The following CLK4 variants were observed in gnomAD, a reference collection of about 807,000 sequenced individuals.
The protein encoded by CLK4 is dual specificity protein kinase CLK4.
Under a neutral mutation model 64.4 loss-of-function variants are expected in CLK4, and 37 were observed. That is an observed-to-expected ratio of 0.57 (90% confidence interval 0.44 to 0.76). The LOEUF is 0.76. CLK4 is among the 30% of genes least tolerant of loss of function. The probability of loss-of-function intolerance (pLI) is 0.00; values close to 1 mark genes in which losing one functional copy is unlikely to be tolerated. For missense variants in CLK4, 457 were observed against 605.1 expected, an observed-to-expected ratio of 0.76 and a Z score of 2.57; for synonymous variants, 175 against 191.6, an observed-to-expected ratio of 0.91 and a Z score of 0.72.
intron 5 of CLK4, among the ~76,000 whole-genome samples, chr5:178,616,626 T>C (rs1196913464): frequency 3.3e-5 from 5 of 151,930 alleles, no homozygotes. Flanking sequence ...TGAAACCCCA[T>C]CTCTATTAAA....
intron 9 of CLK4, among the ~76,000 whole-genome samples, chr5:178,612,076 C>A (rs1320972885): frequency 6.6e-6 from 1 of 152,196 alleles, no homozygotes; most frequent in Non-Finnish European, 1.5e-5. Context: ...AGTATTTTTA[C>A]CAGCCATGTG....
intron 2 of CLK4, chr5:178,620,647 G>A (rs1426681219): frequency 4.4e-6 from 2 of 452,472 alleles, no homozygotes; most frequent in Non-Finnish European, 8.9e-6. Flanking sequence ...GAGGGTAAGG[G>A]CATTCGTTTT....
intron 5 of CLK4, among the ~76,000 whole-genome samples, chr5:178,616,027 C>A (rs1193802270): frequency 6.6e-6 from 1 of 152,218 alleles, no homozygotes; most frequent in African/African-American, 2.4e-5. Flanking sequence ...GAAATTCCTT[C>A]ACTTGAACAT....
chr5:178,614,704 C>T (rs989987696), intron 5 of CLK4, among the ~76,000 whole-genome samples: 3 of 152,124 alleles, frequency 2.0e-5, no homozygotes, highest in Non-Finnish European at 2.9e-5. Flanking sequence ...CAAACAAACA[C>T]GTATTCTAAT....
chr5:178,607,392 T>C (rs1764482207), intron 10 of CLK4, among the ~76,000 whole-genome samples: 1 of 152,076 alleles, frequency 6.6e-6, no homozygotes, highest in Admixed American at 6.5e-5. Flanking sequence ...TCTTCTTCCT[T>C]ATATGCCCAT....
rs138435764 is a variant in CLK4, at chr5:178,612,487, G to C, written c.980C>G (p.Ala327Gly). Residue 327 changes from alanine to glycine, a missense_variant, in exon 9 of 13, where the codon GCA becomes GGA. By Grantham distance (60) the Ala-to-Gly change is moderately conservative. Transcript: ENST00000316308. ...TDIKVVDFGS[A>G]TYDDEHHSTL... ...ACTGTGATGTTCATCATCATACGTT[G>C]CACTTCCAAAGTCAACAACTTTGAT... The C allele has an allele frequency of 6.2e-7, 1 of 1,613,922 alleles. No individual in the cohort carries two copies. The highest frequency in any genetic ancestry group is 8.5e-7 in the Non-Finnish European group (1 of 1,179,854).
Position 178,612,842 on chromosome 5 carries a change from A to C in CLK4, c.875T>G (p.Ile292Ser). 6.3e-7 allele frequency: 1 copy of C among 1,579,116 alleles called. No homozygotes were observed. The highest frequency in any genetic ancestry group is 8.7e-7 in the Non-Finnish European group (1 of 1,149,912). ...LTHTDLKPEN[I>S]LFVKSDYVVK... ...TACATAGTCAGACTTCACAAACAAA[A>C]TATTTTCAGGCTTCAGATCTGTATG... The change falls in exon 8 of 13, where the codon ATT becomes AGT. Residue 292 changes from isoleucine to serine, a missense_variant. Physicochemically the swap from Ile to Ser is moderately radical, Grantham distance 142. Coordinates refer to ENST00000316308, the MANE Select transcript of CLK4 (RefSeq NM_020666.3).
chr5:178,613,736 T>C lies in CLK4; in HGVS notation c.650A>G (p.Asn217Ser), dbSNP rs767267648. 47 of 1,612,376 alleles carry C rather than the reference T, an allele frequency of 2.9e-5. No individual in the cohort carries two copies. The Admixed American group carries it at 4.7e-4, about 16-fold the overall frequency. The change falls in exon 6 of 13, where the codon AAT (asparagine) becomes AGT (serine). Residue 217 changes from asparagine to serine, a missense_variant. Transcript: ENST00000316308. Reference protein sequence around the residue: ...VLEHLNSTDPNSVFRCVQMLE... With the variant: ...VLEHLNSTDPSSVFRCVQMLE... ...TGAAAGTTATACTTACAAGACACTA[T>C]TGGGATCAGTACTATTTAAGTGCTC...
At position 178,618,717 on chromosome 5, in the gene CLK4, C is replaced by T. The variant is rs760777347; in HGVS notation, c.223G>A (p.Glu75Lys). The T allele has an allele frequency of 4.3e-6, 7 of 1,613,758 alleles. No homozygotes were observed. Among genetic ancestry groups the T allele is most frequent in the Admixed American group, 1.7e-5 (1 of 59,990 alleles). Residue 75 changes from glutamate to lysine, a missense_variant, in exon 3 of 13, where the codon GAA becomes AAA. Coordinates refer to ENST00000316308, the MANE Select transcript of CLK4 (RefSeq NM_020666.3). Reference protein sequence around the residue: ...RDYRDRRYVDEYRNDYCEGYV... With the variant: ...RDYRDRRYVDKYRNDYCEGYV... ...CCTTCACAGTAGTCATTCCTGTATT[C>T]GTCAACGTATCTCCGGTCCCGATAA...
At chr5:178,612,737 C>A in intron 8 of CLK4, 59 bp downstream of exon 8, 1 of 1,130,752 alleles carries the variant, frequency 8.8e-7, no homozygotes, top group Non-Finnish European at 1.3e-6. Context: ...ATCCAAAGAT[C>A]ATCAAGTTAA....
chr5:178,616,165 C>T (rs1764624208), intron 5 of CLK4, among the ~76,000 whole-genome samples: 1 of 152,132 alleles, frequency 6.6e-6, no homozygotes, highest in African/African-American at 2.4e-5. Context: ...TCTTGGCTCA[C>T]CGCAACCTCC....
In CLK4 at chr5:178,614,050, T is replaced by A. The variant is rs138589000; in HGVS notation, c.543-207A>T. Among the ~76,000 whole-genome samples the A allele has an allele frequency of 2.3e-4, 35 of 152,370 alleles. 1 individual carries two copies. The highest frequency in any genetic ancestry group is 5.9e-5 in the Non-Finnish European group (4 of 68,028). On this transcript the variant is annotated intron_variant, in intron 5 of 12. Coordinates refer to ENST00000316308, the MANE Select transcript of CLK4 (RefSeq NM_020666.3). The stretch of plus-strand genomic sequence containing the variant: ...GAAGTGATAATTCCCTTAATACTTA[T>A]GAGTTTTAACGTTTGCTCCTAGAAT...
In CLK4 at chr5:178,612,479, C is replaced by T; in HGVS notation, c.988G>A (p.Asp330Asn). Residue 330 changes from aspartate to asparagine, a missense_variant, in exon 9 of 13, where the codon GAT becomes AAT. Transcript: ENST00000316308. Reference sequence around the variant, plus strand: ...ACCAAAGTACTGTGATGTTCATCATCATACGTTGCACTTCCAAAGTCAACA... The same window carrying T: ...ACCAAAGTACTGTGATGTTCATCATTATACGTTGCACTTCCAAAGTCAACA... ...KVVDFGSATY[D>N]DEHHSTLVST... The T allele has an allele frequency of 6.2e-7, 1 of 1,614,106 alleles. No individual in the cohort carries two copies. Among genetic ancestry groups the T allele is most frequent in the Non-Finnish European group, 8.5e-7 (1 of 1,179,982 alleles).
At chr5:178,616,250 C>T (rs934306565) in intron 5 of CLK4, among the ~76,000 whole-genome samples, 1 of 152,104 alleles carries the variant, frequency 6.6e-6, no homozygotes, top group Non-Finnish European at 1.5e-5. Context: ...AGGCATGTGC[C>T]ACCACACCTG....
chr5:178,623,295 C>T lies in CLK4; in HGVS notation c.122G>A (p.Arg41Lys). ...AAACTGGTGATGTGGTTTACAATGCCTGTTCTCTTGTGTGCTACTATGAGA... is the reference window on the plus strand; with the variant it reads ...AAACTGGTGATGTGGTTTACAATGCTTGTTCTCTTGTGTGCTACTATGAGA... ...RRSHSSTQEN[R>K]HCKPHHQFKE... Residue 41 changes from arginine to lysine, a missense_variant, in exon 2 of 13, where the codon AGG (arginine) becomes AAG (lysine). Transcript: ENST00000316308. 1 of 1,613,852 alleles carries T rather than the reference C, an allele frequency of 6.2e-7. No homozygotes were observed. Among genetic ancestry groups the T allele is most frequent in the Non-Finnish European group, 8.5e-7 (1 of 1,179,898 alleles).
chr5:178,613,487 C>A lies in CLK4; in HGVS notation c.812G>T (p.Cys271Phe). Residue 271 changes from cysteine (C) to phenylalanine (F), a missense_variant, in exon 7 of 13, where the codon TGC becomes TTC. Transcript: ENST00000316308. Reference sequence around the variant, plus strand: ...AGTGTACTTACAATTTATTGACTGGCAGATCTGATACGCCATCTGCCTGAT... The same window carrying A: ...AGTGTACTTACAATTTATTGACTGGAAGATCTGATACGCCATCTGCCTGAT... Reference protein sequence around the residue: ...DHIRQMAYQICQSINFLHHNK... With the variant: ...DHIRQMAYQIFQSINFLHHNK... 6.4e-7 allele frequency: 1 copy of A among 1,562,408 alleles called. No homozygotes were observed. The highest frequency in any genetic ancestry group is 8.6e-7 in the Non-Finnish European group (1 of 1,159,936).
rs1410468063 is a variant in CLK4, at chr5:178,617,452, CA to C, written c.385-19del. 6.3e-7 allele frequency: 1 copy of C among 1,593,976 alleles called. No homozygotes were observed. Among genetic ancestry groups the C allele is most frequent in the Non-Finnish European group, 8.6e-7 (1 of 1,162,276 alleles). On this transcript the variant is annotated intron_variant, in intron 3 of 12. Coordinates refer to ENST00000316308, the MANE Select transcript of CLK4 (RefSeq NM_020666.3). This position sits in a 1 kb window ranked among gnomAD's most constrained non-coding sequence, Gnocchi z 5.2. ...TGGCTCTTCTGGAACGGCAAGTGGG[CA>C]GCACCAAGATCGTCCAGCCAATCAA...
chr5:178,617,528 A>G lies in CLK4; in HGVS notation c.385-94T>C. 8.1e-7 allele frequency: 1 copy of G among 1,233,550 alleles called. No individual in the cohort carries two copies. The highest frequency in any genetic ancestry group is 1.1e-6 in the Non-Finnish European group (1 of 877,500). The allele number at this position is 1,233,550 out of a possible 1,614,324, so 76.4% of individuals were successfully genotyped here. ...AATACGCAATTCATTCAGCGGGGAG[A>G]TATTCAGGCATTCAGATAAGCACCA... On this transcript the variant is annotated intron_variant, in intron 3 of 12. Coordinates refer to ENST00000316308, the MANE Select transcript of CLK4 (RefSeq NM_020666.3). The surrounding 1 kb of genome is among the most constrained non-coding windows in gnomAD (Gnocchi z 5.2).
At chr5:178,608,513 A>T (rs1233243274) in intron 9 of CLK4, 55 bp from the exon 10 acceptor site, 8 of 1,338,772 alleles carry the variant, frequency 6.0e-6, no homozygotes, top group Non-Finnish European at 8.4e-6. Context: ...AATTGACAGT[A>T]CATTAAATCC....
Sources: allele counts gnomAD v4.1 joint callset (sites outside exome capture counted in the v4.1 genomes callset), GRCh38; gene constraint gnomAD v4.1.1; non-coding constraint Gnocchi (gnomAD v3.1); transcripts MANE v1.5; gene names NCBI Gene and HGNC (gene_info 2026-07-23, HGNC 2026-07-21).